ANKLE2: variants seen among roughly 807,000 people sequenced by gnomAD.
ANKLE2 encodes ankyrin repeat and LEM domain containing 2.
Under a neutral mutation model 84.2 loss-of-function variants are expected in ANKLE2, and 55 were observed. That is an observed-to-expected ratio of 0.65 (90% confidence interval 0.53 to 0.82). ANKLE2 has a LOEUF of 0.82. ANKLE2 is among the 40% of genes least tolerant of loss of function. The pLI is 0.00. For missense variants in ANKLE2, 1,238 were observed against 1,201.9 expected, an observed-to-expected ratio of 1.03 and a Z score of -0.44; for synonymous variants, 551 against 486.1, an observed-to-expected ratio of 1.13 and a Z score of -1.76.
chr12:132,730,321 G>C, intron 10 of ANKLE2, 51 bp from the exon 11 acceptor site: 25 of 1,471,540 alleles, frequency 1.7e-5, no homozygotes, highest in Non-Finnish European at 2.3e-5. Context: ...AGGAAGCCAC[G>C]GAGCTGCTCC....
chr12:132,750,130 G>A (rs975527287), intron 3 of ANKLE2, among the ~76,000 whole-genome samples: 7 of 151,350 alleles, frequency 4.6e-5, no homozygotes, highest in Non-Finnish European at 8.8e-5. Flanking sequence ...GCTTGAACCC[G>A]GGAGGTGGAG....
At chr12:132,758,810 C>G (rs142659292) in intron 1 of ANKLE2, 1 of 152,342 alleles carries the variant, frequency 6.6e-6, no homozygotes, top group Non-Finnish European at 1.5e-5. Flanking sequence ...CATGAGCCAC[C>G]GCAACCGGCC....
intron 3 of ANKLE2, 27 bp downstream of exon 3, chr12:132,750,616 C>A (rs1285764210): frequency 4.3e-6 from 7 of 1,611,534 alleles, no homozygotes; most frequent in Non-Finnish European, 5.9e-6. Context: ...ACAGGAACAT[C>A]AAGATGTGAA....
Position 132,754,763 on chromosome 12 carries a change from G to A in ANKLE2, c.552C>T (p.Asp184=). ...ACGCAGTCGCTCCAGCTCTGTAGGT[G>A]TCGGTGTCACTAGGGGGCACCGAGC... is the stretch of plus-strand genomic sequence containing the variant. ...KTCSVPPSDT[D]TYRAGATASK... is the part of the protein sequence containing the mutation. The change falls in exon 2 of 13, where the codon GAC becomes GAT. Residue 184 remains aspartate, a synonymous_variant. Coordinates refer to ENST00000357997, the MANE Select transcript of ANKLE2 (RefSeq NM_015114.3). 6.2e-7 allele frequency: 1 copy of A among 1,614,110 alleles called. No homozygotes were observed. The highest frequency in any genetic ancestry group is 8.5e-7 in the Non-Finnish European group (1 of 1,180,016).
chr12:132,736,077 G>A (rs981919083), intron 8 of ANKLE2, among the ~76,000 whole-genome samples: 1 of 152,098 alleles, frequency 6.6e-6, no homozygotes, highest in Non-Finnish European at 1.5e-5. Context: ...TCAGCCTCCC[G>A]AGTAGCTGGG....
intron 10 of ANKLE2, chr12:132,731,514 A>C (rs1273912266): frequency 6.8e-6 from 1 of 148,112 alleles, no homozygotes; most frequent in Non-Finnish European, 1.5e-5. Flanking sequence ...AAACTCACAC[A>C]GACACACACT....
At chr12:132,727,962 G>T in intron 12 of ANKLE2, 70 bp downstream of exon 12, 1 of 1,539,510 alleles carries the variant, frequency 6.5e-7, no homozygotes, top group Non-Finnish European at 8.7e-7. Flanking sequence ...TTCGCATGAA[G>T]TGGAACTGGA....
At chr12:132,752,127 C>T (rs1020990411) in intron 2 of ANKLE2, among the ~76,000 whole-genome samples, 4 of 151,802 alleles carry the variant, frequency 2.6e-5, no homozygotes, top group Admixed American at 1.3e-4. Context: ...GATCACCTGA[C>T]GTTGAGAGTT....
At chr12:132,727,955 G>A (rs897501291) in intron 12 of ANKLE2, 77 bp downstream of exon 12, 29 of 1,527,938 alleles carry the variant, frequency 1.9e-5, no homozygotes, top group Middle Eastern at 2.0e-4. Context: ...TGATAGGTTC[G>A]CATGAAGTGG....
At position 132,750,871 on chromosome 12, in the gene ANKLE2, T is replaced by A. The variant is rs556851137; in HGVS notation, c.641-22A>T. On this transcript the variant is annotated intron_variant, in intron 2 of 12. Coordinates refer to ENST00000357997, the MANE Select transcript of ANKLE2 (RefSeq NM_015114.3). ...CTTTCTGGGTAAGAAAAGTAACAAA[T>A]GAAAATCAGAGAAGAGTGACTGGAG... 1.9e-6 allele frequency: 3 copies of A among 1,608,908 alleles called. No individual in the cohort carries two copies. In the African/African-American group the frequency reaches 4.0e-5, roughly 21 times the overall value.
Position 132,743,373 on chromosome 12 carries a change from A to G in ANKLE2, c.1231-97T>C. 1 of 1,414,874 alleles carries G rather than the reference A, an allele frequency of 7.1e-7. No individual in the cohort carries two copies. The highest frequency in any genetic ancestry group is 9.4e-7 in the Non-Finnish European group (1 of 1,066,350). 87.6% of individuals were successfully genotyped at this position (1,414,874 alleles called of 1,614,324 possible). A position where few individuals can be genotyped will look rare whatever the true frequency, so the allele number is the denominator to read the frequency against. The stretch of plus-strand genomic sequence containing the variant: ...TATTCATTCATTCATTCATTCATTT[A>G]TTTATTTTGAGACGGAGTCTCACTG... On this transcript the variant is annotated intron_variant, in intron 5 of 12. Transcript: ENST00000357997. The surrounding 1 kb of genome is among the most constrained non-coding windows in gnomAD (Gnocchi z 4.1).
chr12:132,754,115 G>A (rs576311195), intron 2 of ANKLE2, among the ~76,000 whole-genome samples: 332 of 152,128 alleles, frequency 2.2e-3, no homozygotes, highest in Non-Finnish European at 3.2e-3. Context: ...GGTGGCAGGC[G>A]CCTGTAATCC....
chr12:132,744,720 G>C (rs1051183410), intron 5 of ANKLE2, among the ~76,000 whole-genome samples: 2 of 151,938 alleles, frequency 1.3e-5, no homozygotes, highest in Admixed American at 6.6e-5. Flanking sequence ...TCACTCTGTC[G>C]CCCAGGCTGG....
rs759647276 is a variant in ANKLE2 at position 132,754,952 on chromosome 12, G to A, written c.363C>T (p.Tyr121=). The change falls in exon 2 of 13, where the codon TAC becomes TAT. Residue 121 remains tyrosine (Y), a synonymous_variant. Coordinates refer to ENST00000357997, the MANE Select transcript of ANKLE2 (RefSeq NM_015114.3). The part of the protein sequence containing the change: ...LEQGGRLSSF[Y]HHEAGVTALS... ...GAGCTGTGACACCTGCCTCATGGTG[G>A]TAGAAAGAAGACAGCCTTCCTCCTT... 21 of 1,614,070 alleles carry A rather than the reference G, an allele frequency of 1.3e-5. No individual in the cohort carries two copies. Among genetic ancestry groups the A allele is most frequent in the Non-Finnish European group, 1.7e-5 (20 of 1,180,052 alleles).
At position 132,729,980 on chromosome 12, in the gene ANKLE2, G is replaced by T. The variant is rs2136104948; in HGVS notation, c.2182C>A (p.Pro728Thr). 2 of 1,613,374 alleles carry T rather than the reference G, an allele frequency of 1.2e-6. No homozygotes were observed. The highest frequency in any genetic ancestry group is 2.2e-5 in the East Asian group (1 of 44,858). The change falls in exon 11 of 13, where the codon CCT becomes ACT. Residue 728 changes from proline to threonine, a missense_variant. Transcript: ENST00000357997. ...AACTCAACAGTCAAATCCGAGACAG[G>T]TGGCAGATGGGCTTCCTCCCCACGG... ...APRGEEAHLP[P>T]VSDLTVEFDK...
At chr12:132,746,434 C>T (rs1234206486) in intron 5 of ANKLE2, among the ~76,000 whole-genome samples, 2 of 151,524 alleles carry the variant, frequency 1.3e-5, no homozygotes, top group Non-Finnish European at 2.9e-5. Flanking sequence ...CATTTTTGAC[C>T]TCCTCCTTCC....
rs72471890 is a variant in ANKLE2, at chr12:132,743,659, TAA to T, written c.1231-385_1231-384del. Among the ~76,000 whole-genome samples the T allele has an allele frequency of 3.4e-5, 5 of 148,336 alleles. No individual in the cohort carries two copies. Among genetic ancestry groups the T allele is most frequent in the Admixed American group, 1.3e-4 (2 of 14,862 alleles). ...TCACCGAGCCTGGCTTATACTTTTT[TAA>T]AAAAAAAAAGACTCACAAACAAAAA... is the stretch of plus-strand genomic sequence containing the variant. On this transcript the variant is annotated intron_variant, in intron 5 of 12. Coordinates refer to ENST00000357997, the MANE Select transcript of ANKLE2 (RefSeq NM_015114.3). The surrounding 1 kb of genome is among the most constrained non-coding windows in gnomAD (Gnocchi z 4.1).
Position 132,750,635 on chromosome 12 carries a change from T to C in ANKLE2, c.847+8A>G. On this transcript the variant is annotated splice_region_variant and intron_variant, in intron 3 of 12. Transcript: ENST00000357997. ...GAACATCAAGATGTGAACGGCTGCA[T>C]GATTTACCTTTCAACCTGTCATTGC... The C allele has an allele frequency of 6.2e-7, 1 of 1,613,772 alleles. No homozygotes were observed. Among genetic ancestry groups the C allele is most frequent in the East Asian group, 2.2e-5 (1 of 44,884 alleles).
rs2043704320 is a variant in ANKLE2, at chr12:132,726,632, T to C, written c.*610A>G. 2 of 152,236 alleles carry C rather than the reference T, an allele frequency of 1.3e-5. 1 individual carries two copies. The highest frequency in any genetic ancestry group is 4.8e-5 in the African/African-American group (2 of 41,416). 9.4% of individuals were successfully genotyped at this position (152,236 alleles called of 1,614,324 possible). ...CATCTTCTGATCAGTAATTTAAATA[T>C]TCCGAACAACCCAAATCACAATGGT... On this transcript the variant is annotated 3_prime_UTR_variant, in exon 13 of 13. Transcript: ENST00000357997.
Sources: allele counts gnomAD v4.1 joint callset (sites outside exome capture counted in the v4.1 genomes callset), GRCh38; gene constraint gnomAD v4.1.1; non-coding constraint Gnocchi (gnomAD v3.1); transcripts MANE v1.5; gene names NCBI Gene and HGNC (gene_info 2026-07-23, HGNC 2026-07-21).